CELF4: variants seen among roughly 807,000 people sequenced by gnomAD.
CELF4 encodes CUGBP Elav-like family member 4.
CELF4 carries 18 observed loss-of-function variants against 59.9 expected under a neutral mutation model. That is an observed-to-expected ratio of 0.30 (90% CI 0.21 to 0.45). The LOEUF (loss-of-function observed/expected upper bound fraction) is 0.45. Among genes scored for constraint, CELF4 ranks in the 20% least tolerant of loss-of-function variants. CELF4 has a pLI of 1.00. For missense variants in CELF4, 456 were observed against 689.0 expected (o/e 0.66, Z 3.79); for synonymous variants, 261 against 267.1 (o/e 0.98, Z 0.22).
chr18:37,561,348 A>T (rs548317575), intron 1 of CELF4, among the ~76,000 whole-genome samples: 1 of 152,376 alleles, frequency 6.6e-6, no homozygotes, highest in African/African-American at 2.4e-5. Context: ...GGGAACAAGC[A>T]CACATCAGTA....
chr18:37,444,074 T>A (rs1311150130), intron 2 of CELF4, among the ~76,000 whole-genome samples: 1 of 152,124 alleles, frequency 6.6e-6, no homozygotes. Context: ...GCCTCAATGT[T>A]CTCATCTGTA....
intron 2 of CELF4, among the ~76,000 whole-genome samples, chr18:37,440,894 T>A (rs927647840): frequency 6.6e-6 from 1 of 152,196 alleles, no homozygotes; most frequent in Non-Finnish European, 1.5e-5. Context: ...CAAATGGAGA[T>A]AACAATTCTC....
chr18:37,532,547 T>C (rs1421871376), intron 1 of CELF4, among the ~76,000 whole-genome samples: 1 of 151,990 alleles, frequency 6.6e-6, no homozygotes, highest in African/African-American at 2.4e-5. Context: ...ACAGGAAATA[T>C]ATGCTTTCAG....
At chr18:37,486,496 T>TG (rs757162669) in intron 1 of CELF4, among the ~76,000 whole-genome samples, 2 of 151,980 alleles carry the variant, frequency 1.3e-5, no homozygotes, top group Non-Finnish European at 2.9e-5. Flanking sequence ...GCCAAGAGAG[T>TG]GGGGATGGGG....
At chr18:37,557,798 G>A (rs780359741) in intron 1 of CELF4, among the ~76,000 whole-genome samples, 31 of 152,020 alleles carry the variant, frequency 2.0e-4, no homozygotes, top group Non-Finnish European at 3.4e-4. Context: ...CTCTCCATGA[G>A]GGCACCCATT....
chr18:37,537,103 G>A lies in CELF4; in HGVS notation c.286+28253C>T, dbSNP rs192760552. Among the ~76,000 whole-genome samples the A allele has an allele frequency of 2.1e-3, 321 of 152,204 alleles. 1 individual carries two copies. Among genetic ancestry groups the A allele is most frequent in the African/African-American group, 7.1e-3 (293 of 41,528 alleles). ...TACCTGGGCTTTCTTCTGTGCCCTC[G>A]CCTCTTTGTCCCTGGCATTTGCCTC... On this transcript the variant is annotated intron_variant, in intron 1 of 12. Coordinates refer to ENST00000420428, the MANE Select transcript of CELF4 (RefSeq NM_020180.4).
At chr18:37,300,204 GTGATC>G (rs112067313) in intron 3 of CELF4, among the ~76,000 whole-genome samples, 30,781 of 151,034 alleles carry the variant, frequency 0.2, 5,159 homozygotes, top group African/African-American at 0.47. Flanking sequence ...CTTGTTGCAT[GTGATC>G]TGATCCCATG....
At chr18:37,558,065 A>G (rs2099985346) in intron 1 of CELF4, among the ~76,000 whole-genome samples, 1 of 131,358 alleles carries the variant, frequency 7.6e-6, no homozygotes, top group African/African-American at 2.8e-5. Context: ...GCAGTGGTGC[A>G]ATCTCCACTC....
chr18:37,310,324 A>G (rs1334897603), intron 3 of CELF4, among the ~76,000 whole-genome samples: 1 of 152,142 alleles, frequency 6.6e-6, no homozygotes, highest in Non-Finnish European at 1.5e-5. Context: ...CCCTCTATCC[A>G]GTTCAGCAGG....
chr18:37,427,984 T>A (rs112800698), intron 2 of CELF4, among the ~76,000 whole-genome samples: 3 of 152,382 alleles, frequency 2.0e-5, no homozygotes, highest in African/African-American at 7.2e-5. Context: ...TGCGTGCATG[T>A]GCACACCCCG....
At position 37,418,819 on chromosome 18, in the gene CELF4, G is replaced by T. The variant is rs559236414; in HGVS notation, c.369+66706C>A. On this transcript the variant is annotated intron_variant, in intron 2 of 12. Transcript: ENST00000420428. ...TTCAGGAACTTGCCAAAGGCTCATA[G>T]CTTCTCAAATCACTGAATGGGTGCC... Among the ~76,000 whole-genome samples, 3 of 152,356 alleles carry T rather than the reference G, an allele frequency of 2.0e-5. No individual in the cohort carries two copies. The South Asian group carries it at 6.2e-4, about 32-fold the overall frequency.
chr18:37,267,276 G>A (rs2078118406), intron 8 of CELF4, among the ~76,000 whole-genome samples: 1 of 152,240 alleles, frequency 6.6e-6, no homozygotes, highest in South Asian at 2.1e-4. Context: ...CTGACACTGT[G>A]ACCCTGGGAT....
intron 2 of CELF4, among the ~76,000 whole-genome samples, chr18:37,328,057 A>G (rs1045165790): frequency 6.6e-6 from 1 of 152,162 alleles, no homozygotes; most frequent in African/African-American, 2.4e-5. Context: ...GAGAGAGAAA[A>G]GAAGATGGAG....
chr18:37,287,223 G>C (rs1786076), intron 3 of CELF4, among the ~76,000 whole-genome samples: 111,855 of 152,116 alleles, frequency 0.74, 42,080 homozygotes, highest in African/African-American at 0.9. Flanking sequence ...CAACATGCAG[G>C]CAGGGCAGGG....
At chr18:37,281,383 T>G (rs1223341142) in intron 3 of CELF4, among the ~76,000 whole-genome samples, 2 of 152,244 alleles carry the variant, frequency 1.3e-5, no homozygotes, top group South Asian at 4.1e-4. Context: ...TGCTTAAGGA[T>G]AGACGGTTGC....
chr18:37,478,877 A>G (rs981649598), intron 2 of CELF4, among the ~76,000 whole-genome samples: 1 of 152,204 alleles, frequency 6.6e-6, no homozygotes, highest in African/African-American at 2.4e-5. Flanking sequence ...GTTTGGCTGG[A>G]AAGCCTGGCT....
chr18:37,315,841 C>A (rs1234872386), intron 3 of CELF4, among the ~76,000 whole-genome samples: 1 of 152,222 alleles, frequency 6.6e-6, no homozygotes, highest in African/African-American at 2.4e-5. Context: ...CTCTTCGGCC[C>A]ACTAAGCGGG....
intron 1 of CELF4, among the ~76,000 whole-genome samples, chr18:37,535,251 C>A (rs949629777): frequency 1.3e-5 from 2 of 152,210 alleles, no homozygotes. Flanking sequence ...TGGAATCTGA[C>A]TCTTTAGATT....
At chr18:37,280,226 A>G (rs901167189) in intron 3 of CELF4, among the ~76,000 whole-genome samples, 1 of 152,168 alleles carries the variant, frequency 6.6e-6, no homozygotes, top group Non-Finnish European at 1.5e-5. Flanking sequence ...GTTCTGTGTC[A>G]GGTGAAGATG....
Sources: allele counts gnomAD v4.1 joint callset (sites outside exome capture counted in the v4.1 genomes callset), GRCh38; gene constraint gnomAD v4.1.1; transcripts MANE v1.5; gene names NCBI Gene and HGNC (gene_info 2026-07-23, HGNC 2026-07-21).